CNOT2: variants seen among roughly 807,000 people sequenced by gnomAD.
CNOT2 encodes the protein CC chemokine receptor 4-negative regulator of transcription 2.
CNOT2 carries 7 observed loss-of-function variants against 72.1 expected under a neutral mutation model. That is an observed-to-expected ratio of 0.10 (90% CI 0.06 to 0.18). The LOEUF (loss-of-function observed/expected upper bound fraction) is 0.18. Ranked by LOEUF, CNOT2 falls within the 10% of genes least tolerant of loss-of-function variation. The pLI, the probability that CNOT2 is intolerant of heterozygous loss-of-function variation, is 1.00. For synonymous variants in CNOT2, 196 were observed against 225.6 expected (o/e 0.87, Z 1.17); for missense variants, 345 against 660.3 (o/e 0.52, Z 5.23).
intron 2 of CNOT2, among the ~76,000 whole-genome samples, chr12:70,290,571 G>A (rs904991748): frequency 1.3e-5 from 2 of 152,102 alleles, no homozygotes; most frequent in Non-Finnish European, 2.9e-5. Context: ...TCCTGTGTCT[G>A]AAATCAATTG....
chr12:70,332,950 A>C, intron 7 of CNOT2, 104 bp downstream of exon 7: 2 of 1,358,858 alleles, frequency 1.5e-6, no homozygotes, highest in Non-Finnish European at 9.5e-7. Context: ...ATTTTTTATT[A>C]TGTTAGATGG....
chr12:70,328,793 G>A (rs1282444912), intron 4 of CNOT2, among the ~76,000 whole-genome samples: 1 of 150,674 alleles, frequency 6.6e-6, no homozygotes, highest in African/African-American at 2.4e-5. Context: ...AAATACAGGG[G>A]CATTATATTT....
intron 1 of CNOT2, among the ~76,000 whole-genome samples, chr12:70,257,354 C>CA: frequency 7.8e-6 from 1 of 128,576 alleles, no homozygotes; most frequent in South Asian, 2.5e-4. Flanking sequence ...CAACTACCCC[C>CA]TTTTTTTTTT....
intron 15 of CNOT2, among the ~76,000 whole-genome samples, chr12:70,347,241 TA>T (rs1882292838): frequency 6.6e-6 from 1 of 152,206 alleles, no homozygotes; most frequent in African/African-American, 2.4e-5. Flanking sequence ...TCTGCTTTAC[TA>T]AAATGATTAT....
chr12:70,283,930 A>ATTTT lies in CNOT2; in HGVS notation c.48+5676_48+5679dup, dbSNP rs776119049. Among the ~76,000 whole-genome samples, 724 of 117,394 alleles carry ATTTT rather than the reference A, an allele frequency of 6.2e-3. 11 individuals carry two copies. Among genetic ancestry groups the ATTTT allele is most frequent in the African/African-American group, 0.011 (339 of 30,796 alleles). 77.0% of individuals were successfully genotyped at this position (117,394 alleles called of 152,430 possible). ...AAGTCACTTTGACTTCATGATGTAAATTTTTTTTTTTTTTTTTTTTTTTGA... is the reference window on the plus strand; with the variant it reads ...AAGTCACTTTGACTTCATGATGTAAATTTTTTTTTTTTTTTTTTTTTTTTTTTGA... On this transcript the variant is annotated intron_variant, in intron 2 of 15. Coordinates refer to ENST00000229195, the MANE Select transcript of CNOT2 (RefSeq NM_014515.7).
At chr12:70,260,334 G>A (rs956460153) in intron 1 of CNOT2, among the ~76,000 whole-genome samples, 1 of 151,462 alleles carries the variant, frequency 6.6e-6, no homozygotes, top group Admixed American at 6.6e-5. Context: ...TAGTTTTTAT[G>A]GTATGTTTTG....
intron 2 of CNOT2, among the ~76,000 whole-genome samples, chr12:70,292,246 A>C (rs191550478): frequency 6.6e-6 from 1 of 152,342 alleles, no homozygotes; most frequent in East Asian, 1.9e-4. Context: ...TTCAGAATGC[A>C]TAACTTCAGT....
chr12:70,303,975 C>A (rs1305344741), intron 2 of CNOT2, among the ~76,000 whole-genome samples: 2 of 152,214 alleles, frequency 1.3e-5, no homozygotes, highest in African/African-American at 4.8e-5. Context: ...ATCGCTGATA[C>A]CCTTTCTTCC....
rs772902541 is a variant in CNOT2 at position 70,353,880 on chromosome 12, A to T, written c.1588A>T (p.Thr530Ser). ...KLEERPHLPSTFNYNPAQQAF is the reference protein window; with the variant it reads ...KLEERPHLPSSFNYNPAQQAF ...AGAAGAACGGCCTCACCTGCCATCC[A>T]CCTTCAACTACAACCCTGCTCAGCA... Residue 530 changes from threonine (T) to serine (S), a missense_variant, in exon 16 of 16, where the codon ACC becomes TCC. By Grantham distance (58) the Thr-to-Ser change is moderately conservative. Coordinates refer to ENST00000229195, the MANE Select transcript of CNOT2 (RefSeq NM_014515.7). 1 of 1,580,276 alleles carries T rather than the reference A, an allele frequency of 6.3e-7. No homozygotes were observed. Among genetic ancestry groups the T allele is most frequent in the East Asian group, 2.3e-5 (1 of 42,640 alleles).
chr12:70,351,330 G>A (rs1482451056), intron 15 of CNOT2, among the ~76,000 whole-genome samples: 2 of 152,156 alleles, frequency 1.3e-5, no homozygotes, highest in Admixed American at 1.3e-4. Flanking sequence ...CAGAATGTAT[G>A]AGGTTGTGCA....
At chr12:70,268,259 C>T (rs925051169) in intron 1 of CNOT2, among the ~76,000 whole-genome samples, 4 of 152,184 alleles carry the variant, frequency 2.6e-5, no homozygotes, top group East Asian at 3.9e-4. Flanking sequence ...ACAGTTCTCT[C>T]GGTAGCAATT....
intron 1 of CNOT2, among the ~76,000 whole-genome samples, chr12:70,257,576 C>G (rs1040995050): frequency 6.6e-6 from 1 of 151,570 alleles, no homozygotes; most frequent in African/African-American, 2.4e-5. Context: ...ACCGTGTTAG[C>G]CAGGATGCTC....
chr12:70,254,505 A>G (rs1425905242), intron 1 of CNOT2, among the ~76,000 whole-genome samples: 1 of 152,134 alleles, frequency 6.6e-6, no homozygotes, highest in Non-Finnish European at 1.5e-5. Flanking sequence ...GGAATTTTCC[A>G]TGTAATATTT....
Position 70,304,274 on chromosome 12 carries a change from C to T in CNOT2, c.49-6621C>T, listed in dbSNP as rs577415753. On this transcript the variant is annotated intron_variant, in intron 2 of 15. Transcript: ENST00000229195. Reference sequence around the variant, plus strand: ...CTACATTCCTTTGGAGGAGGAGAGGCGCTCTGCTTTTTAGAGTTTCCAGTT... The same window carrying T: ...CTACATTCCTTTGGAGGAGGAGAGGTGCTCTGCTTTTTAGAGTTTCCAGTT... Among the ~76,000 whole-genome samples, 22 of 152,248 alleles carry T rather than the reference C, an allele frequency of 1.4e-4. No individual in the cohort carries two copies. The South Asian group carries it at 2.7e-3, about 19-fold the overall frequency.
chr12:70,312,633 T>TA (rs1302156956), intron 3 of CNOT2, among the ~76,000 whole-genome samples: 13 of 152,010 alleles, frequency 8.6e-5, no homozygotes, highest in African/African-American at 2.6e-4. Flanking sequence ...AAACCTTTTT[T>TA]AAAAAAACAT....
chr12:70,285,241 G>C (rs565855055), intron 2 of CNOT2, among the ~76,000 whole-genome samples: 1 of 150,540 alleles, frequency 6.6e-6, no homozygotes, highest in South Asian at 2.1e-4. Flanking sequence ...ACGAACTCTT[G>C]CTCTGTTGCC....
At chr12:70,278,336 A>T (rs1869213131) in intron 2 of CNOT2, 62 bp downstream of exon 2, 7 of 1,222,144 alleles carry the variant, frequency 5.7e-6, no homozygotes, top group Non-Finnish European at 8.4e-6. Context: ...AACTGTTCAA[A>T]TGTGTTATAT....
chr12:70,326,011 G>A lies in CNOT2; in HGVS notation c.239-3412G>A, dbSNP rs981438567. Among the ~76,000 whole-genome samples the A allele has an allele frequency of 3.3e-5, 5 of 151,542 alleles. No individual in the cohort carries two copies. In the Admixed American group the frequency reaches 3.3e-4, roughly 10 times the overall value. On this transcript the variant is annotated intron_variant, in intron 4 of 15. Coordinates refer to ENST00000229195, the MANE Select transcript of CNOT2 (RefSeq NM_014515.7). ...TGTGCTGTTAATCAGTTTGTGCAGT[G>A]GAAATAATTAATGGAATAATTTCTT...
intron 15 of CNOT2, 159 bp downstream of exon 15, chr12:70,346,483 G>A (rs1882189462): frequency 5.7e-6 from 3 of 525,578 alleles, no homozygotes; most frequent in Non-Finnish European, 9.8e-6. Flanking sequence ...TCTTAGAAGA[G>A]TGTCCCAAAA....
Sources: gnomAD v4.1 joint callset for allele counts (sites outside exome capture counted in the v4.1 genomes callset) on GRCh38, gnomAD v4.1.1 for gene constraint, MANE v1.5 for transcripts, NCBI Gene and HGNC (gene_info 2026-07-23, HGNC 2026-07-21) for gene names.